TRRAP: variants seen among roughly 807,000 people sequenced by gnomAD.
The protein encoded by TRRAP is transformation/transcription domain-associated protein.
In TRRAP, 41 loss-of-function variants were observed where a neutral mutation model predicts 438.8. The ratio of observed to expected loss-of-function variants is 0.09; its 90% CI spans 0.07 to 0.12. The LOEUF (loss-of-function observed/expected upper bound fraction) is 0.12. Among genes scored for constraint, TRRAP ranks in the 10% least tolerant of loss-of-function variants. The pLI is 1.00. For missense variants in TRRAP, 3,122 were observed against 5,055.1 expected (o/e 0.62, Z 11.60); for synonymous variants, 1,994 against 1,962.9 (o/e 1.02, Z -0.42).
chr7:98,886,280 TATATCTATATCTATCTATCATAGATATAG>T (rs1554403944), intron 3 of TRRAP, among the ~76,000 whole-genome samples: 2 of 151,906 alleles, frequency 1.3e-5, no homozygotes, highest in African/African-American at 4.8e-5. Context: ...ACAATATATC[TATATCTATATCTATCTATCATAGATATAG>T]ATATCTATAT....
chr7:98,937,603 G>A (rs1346295971), intron 29 of TRRAP, 47 bp from the exon 30 acceptor site: 3 of 1,545,238 alleles, frequency 1.9e-6, no homozygotes, highest in Non-Finnish European at 2.6e-6. Context: ...CTATTATGAA[G>A]TGTCCTCAGT....
At chr7:98,902,308 T>A (rs1796506300) in intron 11 of TRRAP, among the ~76,000 whole-genome samples, 1 of 152,246 alleles carries the variant, frequency 6.6e-6, no homozygotes, top group Admixed American at 6.5e-5. Flanking sequence ...GTTGTGTTCT[T>A]ATTTAAATCA....
chr7:98,977,959 C>G (rs558122933), intron 56 of TRRAP, among the ~76,000 whole-genome samples: 4 of 152,324 alleles, frequency 2.6e-5, no homozygotes, highest in African/African-American at 9.6e-5. Context: ...TCAGCCTGCT[C>G]TAGACAACTG....
chr7:98,967,462 C>T (rs1205744109), intron 50 of TRRAP, 23 bp from the exon 51 acceptor site: 1 of 1,612,292 alleles, frequency 6.2e-7, no homozygotes, highest in African/African-American at 1.3e-5. Context: ...ATCGTCTTGC[C>T]TGTCTCTGAC....
At chr7:98,990,715 AG>A in intron 64 of TRRAP, 96 bp downstream of exon 64, 1 of 1,394,344 alleles carries the variant, frequency 7.2e-7, no homozygotes, top group Non-Finnish European at 9.6e-7. Context: ...GAGTGTTCAA[AG>A]TATTAAAAAC....
chr7:98,945,872 CTTTTCTTTTT>C, intron 32 of TRRAP, 48 bp from the exon 33 acceptor site: 2 of 1,567,794 alleles, frequency 1.3e-6, no homozygotes, highest in Non-Finnish European at 1.7e-6. Context: ...CTTTTCTTTT[CTTTTCTTTTT>C]ACCTTTCTGT....
intron 51 of TRRAP, 82 bp downstream of exon 51, chr7:98,967,780 C>T: frequency 8.1e-7 from 1 of 1,237,130 alleles, no homozygotes; most frequent in Non-Finnish European, 1.1e-6. Context: ...GAGGTGTTCA[C>T]ACACACTGAG....
At position 98,965,482 on chromosome 7, in the gene TRRAP, G is replaced by A. The variant is rs576341319; in HGVS notation, c.6977-214G>A. On this transcript the variant is annotated intron_variant, in intron 48 of 72. Transcript: ENST00000456197. ...AGGCCGGAGCCACCTGCACTGGTCCGTCAGCTCCCTCATCCCTCTCCCTGC... is the reference window on the plus strand; with the variant it reads ...AGGCCGGAGCCACCTGCACTGGTCCATCAGCTCCCTCATCCCTCTCCCTGC... Among the ~76,000 whole-genome samples, 6 of 152,232 alleles carry A rather than the reference G, an allele frequency of 3.9e-5. No homozygotes were observed. The South Asian group carries it at 1.2e-3, about 32-fold the overall frequency.
intron 35 of TRRAP, 128 bp from the exon 36 acceptor site, chr7:98,949,289 T>A: frequency 8.5e-7 from 1 of 1,174,262 alleles, no homozygotes; most frequent in Middle Eastern, 2.6e-4. Context: ...TGGTGCTTTT[T>A]TGGTAAGCCT....
At chr7:98,933,746 G>A (rs1790431362) in intron 27 of TRRAP, among the ~76,000 whole-genome samples, 1 of 152,238 alleles carries the variant, frequency 6.6e-6, no homozygotes. Flanking sequence ...CCCGGCACAA[G>A]TGCCAATTTA....
At chr7:98,923,390 T>G (rs965165574) in intron 21 of TRRAP, among the ~76,000 whole-genome samples, 42 of 152,190 alleles carry the variant, frequency 2.8e-4, no homozygotes, top group African/African-American at 9.7e-4. Context: ...GACGCCATCC[T>G]GCCGGCACTG....
intron 67 of TRRAP, chr7:98,999,214 G>C: frequency 7.5e-7 from 1 of 1,333,038 alleles, no homozygotes; most frequent in Non-Finnish European, 1.1e-6. Context: ...GCAGTACACA[G>C]GCTTCACTCC....
chr7:98,976,012 T>C lies in TRRAP; in HGVS notation c.7840-137T>C, dbSNP rs1792639156. 2 of 1,175,868 alleles carry C rather than the reference T, an allele frequency of 1.7e-6. No individual in the cohort carries two copies. Among genetic ancestry groups the C allele is most frequent in the South Asian group, 1.7e-5 (1 of 57,744 alleles). 72.8% of individuals were successfully genotyped at this position (1,175,868 alleles called of 1,614,324 possible). On this transcript the variant is annotated intron_variant, in intron 53 of 72. Transcript: ENST00000456197. This position sits in a 1 kb window ranked among gnomAD's most constrained non-coding sequence, Gnocchi z 4.6. ...GTGGGCTTTTACTCTAACATGGCAT[T>C]TTCTCAGATCTTTGAAACTTTGAAA...
At chr7:98,971,495 C>T (rs1170245791) in intron 52 of TRRAP, among the ~76,000 whole-genome samples, 2 of 152,206 alleles carry the variant, frequency 1.3e-5, no homozygotes, top group East Asian at 1.9e-4. Flanking sequence ...GACTATGATT[C>T]CATTAATCTT....
In TRRAP at chr7:98,950,964, G is replaced by A; in HGVS notation, c.5423G>A (p.Gly1808Glu). ...CTCTTGGGACCTCCCAATCCAGAAG[G>A]AGATAACCCAGAAAGCATCACCAGT... ...EQLLGPPNPE[G>E]DNPESITSVF... The change falls in exon 39 of 73, where the codon GGA (glycine) becomes GAA (glutamate). Residue 1808 changes from glycine (G) to glutamate (E), a missense_variant. Coordinates refer to ENST00000456197, the MANE Select transcript of TRRAP (RefSeq NM_001375524.1). 6.2e-7 allele frequency: 1 copy of A among 1,611,042 alleles called. No homozygotes were observed. The highest frequency in any genetic ancestry group is 8.5e-7 in the Non-Finnish European group (1 of 1,179,056).
chr7:98,978,461 C>G, intron 57 of TRRAP, 138 bp downstream of exon 57: 1 of 805,216 alleles, frequency 1.2e-6, no homozygotes, highest in Non-Finnish European at 2.0e-6. Flanking sequence ...AAATAGAAAC[C>G]CAAAACCAGC....
intron 45 of TRRAP, among the ~76,000 whole-genome samples, 184 bp downstream of exon 45, chr7:98,959,674 G>C (rs1258582792): frequency 6.6e-6 from 1 of 152,158 alleles, no homozygotes; most frequent in Non-Finnish European, 1.5e-5. Context: ...TCCAGGGAGA[G>C]AGTTTGACTA....
At chr7:98,881,923 T>C in intron 2 of TRRAP, 52 bp from the exon 3 acceptor site, 15 of 1,579,806 alleles carry the variant, frequency 9.5e-6, no homozygotes, top group Non-Finnish European at 1.3e-5. Context: ...TGCATTAACA[T>C]AATTTCCTTA....
rs770320415 is a variant in TRRAP, at chr7:98,981,886, G to T, written c.8752G>T (p.Ala2918Ser). 5 of 1,609,442 alleles carry T rather than the reference G, an allele frequency of 3.1e-6. No individual in the cohort carries two copies. The highest frequency in any genetic ancestry group is 4.2e-6 in the Non-Finnish European group (5 of 1,178,702). ...CTTCATCGAGCGCCTGGTGGAGATG[G>T]CCAGCAGCCTGGCCATCCGCGAGTG... ...LSFIERLVEM[A>S]SSLAIREWRR... Residue 2918 changes from alanine (A) to serine (S), a missense_variant, in exon 59 of 73, where the codon GCC becomes TCC. Physicochemically the swap from Ala to Ser is moderately conservative, Grantham distance 99 (BLOSUM62 1). Transcript: ENST00000456197.
Sources: gnomAD v4.1 joint callset for allele counts (sites outside exome capture counted in the v4.1 genomes callset) on GRCh38, gnomAD v4.1.1 for gene constraint, Gnocchi (gnomAD v3.1) non-coding constraint, MANE v1.5 for transcripts, NCBI Gene and HGNC (gene_info 2026-07-23, HGNC 2026-07-21) for gene names.